Variants in SEMA3A observed in about 807,000 individuals in gnomAD.
SEMA3A encodes semaphorin 3A.
A neutral mutation model predicts 97.9 loss-of-function variants in SEMA3A; 29 were observed. The ratio of observed to expected loss-of-function variants is 0.30; its 90% CI spans 0.22 to 0.40. SEMA3A has a LOEUF of 0.40. Ranked by LOEUF, SEMA3A falls within the 10% of genes least tolerant of loss-of-function variation. The probability of loss-of-function intolerance (pLI) is 1.00; values close to 1 mark genes in which losing one functional copy is unlikely to be tolerated. For missense variants in SEMA3A, 763 were observed against 951.3 expected, an observed-to-expected ratio of 0.80 and a Z score of 2.60; for synonymous variants, 321 against 323.7, an observed-to-expected ratio of 0.99 and a Z score of 0.09.
intron 1 of SEMA3A, among the ~76,000 whole-genome samples, chr7:84,451,489 G>A (rs890391112): frequency 1.3e-5 from 2 of 152,078 alleles, no homozygotes; most frequent in African/African-American, 4.8e-5. Context: ...AAACTAAATG[G>A]TTAACCTGAG....
Position 84,448,422 on chromosome 7 carries a change from GAACT to G in SEMA3A, c.-246+44034_-246+44037del, listed in dbSNP as rs370105790. ...CTAAAAATTTCACAAAAAATTATTA[GAACT>G]AATAAATGAATTCATTAAAGTAGCA... On this transcript the variant is annotated intron_variant, in intron 1 of 3. Transcript: ENST00000424555. Among the ~76,000 whole-genome samples the G allele has an allele frequency of 7.0e-4, 107 of 152,050 alleles. 1 individual carries two copies. Among genetic ancestry groups the G allele is most frequent in the African/African-American group, 2.4e-3 (98 of 41,484 alleles).
intron 3 of SEMA3A, among the ~76,000 whole-genome samples, chr7:84,290,863 C>T (rs1800724331): frequency 6.6e-6 from 1 of 152,060 alleles, no homozygotes; most frequent in South Asian, 2.1e-4. Flanking sequence ...TAATTTGGAA[C>T]AGAAAATCCT....
intron 1 of SEMA3A, among the ~76,000 whole-genome samples, chr7:84,156,534 C>T (rs1180463047): frequency 6.6e-6 from 1 of 152,006 alleles, no homozygotes; most frequent in Non-Finnish European, 1.5e-5. Flanking sequence ...TTTCTCACTT[C>T]CTTTAATATT....
chr7:84,293,862 C>A (rs1367359576), intron 3 of SEMA3A, among the ~76,000 whole-genome samples: 1 of 152,046 alleles, frequency 6.6e-6, no homozygotes, highest in African/African-American at 2.4e-5. Context: ...CCATACCCTT[C>A]TTCACATAGA....
chr7:84,096,500 T>C (rs1330136219), intron 4 of SEMA3A, among the ~76,000 whole-genome samples: 1 of 152,086 alleles, frequency 6.6e-6, no homozygotes, highest in African/African-American at 2.4e-5. Context: ...TACAAAAATT[T>C]CCAAATGAAT....
chr7:84,335,952 A>G (rs1802028762), intron 2 of SEMA3A, among the ~76,000 whole-genome samples: 1 of 152,128 alleles, frequency 6.6e-6, no homozygotes, highest in Admixed American at 6.6e-5. Context: ...TGTGTCTTCA[A>G]AATCTGTCCA....
At chr7:84,421,781 G>T (rs929378155) in intron 1 of SEMA3A, among the ~76,000 whole-genome samples, 1 of 151,828 alleles carries the variant, frequency 6.6e-6, no homozygotes, top group Non-Finnish European at 1.5e-5. Context: ...TAATCATGTG[G>T]TTTTTTTTGT....
chr7:84,110,313 T>C (rs1795238547), intron 4 of SEMA3A, among the ~76,000 whole-genome samples, 157 bp downstream of exon 4: 1 of 152,214 alleles, frequency 6.6e-6, no homozygotes, highest in Non-Finnish European at 1.5e-5. Flanking sequence ...TCATTCTTTT[T>C]GCATTCACAG....
At chr7:84,277,629 A>G (rs2115729103) in intron 3 of SEMA3A, among the ~76,000 whole-genome samples, 1 of 152,266 alleles carries the variant, frequency 6.6e-6, no homozygotes, top group South Asian at 2.1e-4. Flanking sequence ...CAATTTATAA[A>G]GAAAAGAGGT....
chr7:84,096,269 T>C (rs1007935951), intron 4 of SEMA3A, among the ~76,000 whole-genome samples: 2 of 152,094 alleles, frequency 1.3e-5, no homozygotes, highest in Non-Finnish European at 2.9e-5. Context: ...TTTTAACTAA[T>C]TCGAGTTTAA....
chr7:84,332,060 T>C (rs970775948), intron 2 of SEMA3A, among the ~76,000 whole-genome samples: 4 of 152,142 alleles, frequency 2.6e-5, no homozygotes, highest in African/African-American at 9.7e-5. Flanking sequence ...CAGGATTCAG[T>C]TGTCTTCCTC....
chr7:84,236,950 G>T (rs1229867754), intron 3 of SEMA3A, among the ~76,000 whole-genome samples: 1 of 151,928 alleles, frequency 6.6e-6, no homozygotes, highest in African/African-American at 2.4e-5. Context: ...ATGGCAGTAA[G>T]TGATATACTT....
At position 84,203,778 on chromosome 7, in the gene SEMA3A, G is replaced by A. The variant is rs550497712; in HGVS notation, c.-82-9110C>T. On this transcript the variant is annotated intron_variant, in intron 3 of 3. Transcript: ENST00000424555. ...ACTCCTGACCGCAGGTGATCCAACC[G>A]CCCCAGCCTCCCAAAGTGCTGGGAT... is the stretch of plus-strand genomic sequence containing the variant. 6.6e-5 allele frequency among the ~76,000 whole-genome samples: 10 copies of A among 151,520 alleles called. No homozygotes were observed. In the South Asian group the frequency reaches 1.9e-3, roughly 28 times the overall value.
At chr7:84,453,654 T>C (rs939490375) in intron 1 of SEMA3A, among the ~76,000 whole-genome samples, 1 of 152,156 alleles carries the variant, frequency 6.6e-6, no homozygotes, top group Non-Finnish European at 1.5e-5. Context: ...AGAGACACAT[T>C]CCCTGTCTCT....
chr7:84,002,093 CA>C, intron 11 of SEMA3A, 47 bp from the exon 12 acceptor site: 1 of 1,077,818 alleles, frequency 9.3e-7, no homozygotes, highest in Non-Finnish European at 1.4e-6. Context: ...TAGATCTGAA[CA>C]GAGATTAGTG....
At position 84,126,075 on chromosome 7, in the gene SEMA3A, C is replaced by T. The variant is rs188665296; in HGVS notation, c.333+3048G>A. ...TTTCACTTAGAAATTGTCCATACTACTCTATTACATATACTAATAATAGCA... is the reference window on the plus strand; with the variant it reads ...TTTCACTTAGAAATTGTCCATACTATTCTATTACATATACTAATAATAGCA... On this transcript the variant is annotated intron_variant, in intron 3 of 16. Coordinates refer to ENST00000265362, the MANE Select transcript of SEMA3A (RefSeq NM_006080.3). Among the ~76,000 whole-genome samples, 134 of 152,206 alleles carry T rather than the reference C, an allele frequency of 8.8e-4. 1 individual carries two copies. Among genetic ancestry groups the T allele is most frequent in the Non-Finnish European group, 1.6e-3 (112 of 68,010 alleles).
intron 1 of SEMA3A, among the ~76,000 whole-genome samples, chr7:84,192,919 T>C (rs1040822310): frequency 6.6e-6 from 1 of 151,842 alleles, no homozygotes; most frequent in African/African-American, 2.4e-5. Context: ...GACCATCAAC[T>C]TAGACTTATT....
Position 84,014,340 on chromosome 7 carries a change from T to C in SEMA3A, c.679A>G (p.Ile227Val). ...CTCTCTGAGATGAGGTGGGCACTAA[T>C]GAACTTTGGATCTGAGAGACAAATA... Reference protein sequence around the residue: ...DSRWLNDPKFISAHLISESDN... With the variant: ...DSRWLNDPKFVSAHLISESDN... Residue 227 changes from isoleucine (I) to valine (V), a missense_variant, in exon 7 of 17, where the codon ATT becomes GTT. By Grantham distance (29) the Ile-to-Val change is conservative. Coordinates refer to ENST00000265362, the MANE Select transcript of SEMA3A (RefSeq NM_006080.3). 1 of 1,609,988 alleles carries C rather than the reference T, an allele frequency of 6.2e-7. No homozygotes were observed. The highest frequency in any genetic ancestry group is 8.5e-7 in the Non-Finnish European group (1 of 1,177,290).
At chr7:84,490,974 T>C (rs1051253551) in intron 1 of SEMA3A, among the ~76,000 whole-genome samples, 2 of 152,178 alleles carry the variant, frequency 1.3e-5, no homozygotes, top group African/African-American at 4.8e-5. Context: ...AAGTATTTCA[T>C]GAAGAATGAC....
Sources: gnomAD v4.1 joint callset for allele counts (sites outside exome capture counted in the v4.1 genomes callset) on GRCh38, gnomAD v4.1.1 for gene constraint, MANE v1.5 for transcripts, NCBI Gene and HGNC (gene_info 2026-07-23, HGNC 2026-07-21) for gene names.